Variants in CDKL5 observed in about 807,000 individuals in gnomAD.
CDKL5 encodes the protein cyclin-dependent kinase-like 5.
Under a neutral mutation model 61.7 loss-of-function variants are expected in CDKL5, and 8 were observed. That is an observed-to-expected ratio of 0.13 (90% CI 0.08 to 0.23). The LOEUF (loss-of-function observed/expected upper bound fraction) is 0.23, where lower values mean the gene tolerates loss of function less well. Ranked by LOEUF, CDKL5 falls within the 10% of genes least tolerant of loss-of-function variation. The probability of loss-of-function intolerance (pLI) is 1.00; values close to 1 mark genes in which losing one functional copy is unlikely to be tolerated. For missense variants in CDKL5, 440 were observed against 734.5 expected, an observed-to-expected ratio of 0.60 and a Z score of 4.63; for synonymous variants, 275 against 272.3, an observed-to-expected ratio of 1.01 and a Z score of -0.10.
chrX:18,499,362 T>G lies in CDKL5; in HGVS notation c.-162-7573T>G, dbSNP rs183910017. Reference sequence around the variant, plus strand: ...GTTCTGTCACAATGTTCAGTCTTTGTTTTTTTTTTTTTTTTTGAGATGGAG... The same window carrying G: ...GTTCTGTCACAATGTTCAGTCTTTGGTTTTTTTTTTTTTTTTGAGATGGAG... On this transcript the variant is annotated intron_variant, in intron 1 of 17. Coordinates refer to ENST00000623535, the MANE Select transcript of CDKL5 (RefSeq NM_001323289.2). 4.5e-3 allele frequency among the ~76,000 whole-genome samples: 430 copies of G among 96,356 alleles called. 2 individuals carry two copies. In the Middle Eastern group the frequency reaches 0.048, roughly 11 times the overall value. The allele number at this position is 96,356 out of a possible 115,157, so 83.7% of individuals were successfully genotyped here.
chrX:18,534,182 C>T (rs1351758154), intron 3 of CDKL5, among the ~76,000 whole-genome samples: 1 of 111,716 alleles, frequency 9.0e-6, no homozygotes, highest in Non-Finnish European at 1.9e-5. Flanking sequence ...CAGGCTGCTT[C>T]CTTCATCTGC....
chrX:18,585,804 G>A (rs1925624724), intron 8 of CDKL5, among the ~76,000 whole-genome samples: 1 of 111,772 alleles, frequency 8.9e-6, no homozygotes, highest in Non-Finnish European at 1.9e-5. Context: ...GATGACAAGT[G>A]CGCAAATTGT....
chrX:18,510,235 A>T lies in CDKL5; in HGVS notation c.65-585A>T, dbSNP rs562659681. ...CAGTGGCGCGATCTGGACTACTGCA[A>T]CCTCTGCCTCCTGGGTTCAAACGAT... is the stretch of plus-strand genomic sequence containing the variant. On this transcript the variant is annotated intron_variant, in intron 2 of 17. Coordinates refer to ENST00000623535, the MANE Select transcript of CDKL5 (RefSeq NM_001323289.2). Among the ~76,000 whole-genome samples the T allele has an allele frequency of 3.5e-3, 386 of 111,092 alleles. 2 individuals carry two copies. In the Middle Eastern group the frequency reaches 0.041, roughly 12 times the overall value.
At chrX:18,559,041 C>A (rs1424112963) in intron 3 of CDKL5, among the ~76,000 whole-genome samples, 1 of 112,303 alleles carries the variant, frequency 8.9e-6, no homozygotes, top group Non-Finnish European at 1.9e-5. Flanking sequence ...CCTGCCCAGG[C>A]AGTTTAGTCT....
At chrX:18,452,907 T>A (rs1306502038) in intron 1 of CDKL5, among the ~76,000 whole-genome samples, 2 of 96,222 alleles carry the variant, frequency 2.1e-5, no homozygotes, top group Non-Finnish European at 4.1e-5. Context: ...CTTGGCTCAC[T>A]GCAATCTCCA....
intron 10 of CDKL5, among the ~76,000 whole-genome samples, chrX:18,597,144 G>C (rs745822794): frequency 9.1e-6 from 1 of 109,843 alleles, no homozygotes; most frequent in East Asian, 2.9e-4. Flanking sequence ...TCAGAAACCA[G>C]TTCCGACTTC....
Position 18,631,087 on chromosome X carries a change from G to C in CDKL5, c.*2330G>C. On this transcript the variant is annotated 3_prime_UTR_variant, in exon 18 of 18. Coordinates refer to ENST00000623535, the MANE Select transcript of CDKL5 (RefSeq NM_001323289.2). ...GGCATTCGAGGCTCGTCACCTAGGG[G>C]CTGGTTTCCCATGTTGTCATCCTTG... 1.3e-6 allele frequency: 1 copy of C among 753,134 alleles called. No homozygotes were observed. Among genetic ancestry groups the C allele is most frequent in the East Asian group, 1.5e-4 (1 of 6,625 alleles). 62.1% of individuals were successfully genotyped at this position (753,134 alleles called of 1,213,427 possible).
intron 1 of CDKL5, among the ~76,000 whole-genome samples, chrX:18,492,980 C>T (rs1200823987): frequency 8.9e-6 from 1 of 111,755 alleles, no homozygotes; most frequent in African/African-American, 3.3e-5. Flanking sequence ...TTTCTCCAGC[C>T]TCACCTTGTA....
At chrX:18,616,362 A>C (rs1872111884) in intron 15 of CDKL5, among the ~76,000 whole-genome samples, 1 of 111,549 alleles carries the variant, frequency 9.0e-6, no homozygotes, top group African/African-American at 3.3e-5. Context: ...ACGGTGGCTC[A>C]CTCCTGTAAT....
intron 1 of CDKL5, among the ~76,000 whole-genome samples, chrX:18,461,884 A>G (rs768319254): frequency 9.0e-6 from 1 of 111,443 alleles, no homozygotes; most frequent in Non-Finnish European, 1.9e-5. Context: ...TGTCACTAGA[A>G]TTGGAAATAA....
Position 18,514,144 on chromosome X carries a change from T to C in CDKL5, c.99+3290T>C, listed in dbSNP as rs142548965. ...GTAATTGAGAGATCATGCTGATAAA[T>C]AGGTGTATTTTGCTTTTGTGCATAG... On this transcript the variant is annotated intron_variant, in intron 3 of 17. Transcript: ENST00000623535. 8.4e-3 allele frequency among the ~76,000 whole-genome samples: 930 copies of C among 111,254 alleles called. 9 individuals are homozygous for C. Among genetic ancestry groups the C allele is most frequent in the African/African-American group, 0.028 (869 of 30,667 alleles).
In CDKL5 at chrX:18,613,294, T is replaced by TTTTA; in HGVS notation, c.2276+20_2276+23dup. ...ATCCATGGTGAGCATTTTGGTTTGT[T>TTTTA]TTTACTCTTCCTTTTTTTAATTGTA... On this transcript the variant is annotated intron_variant, in intron 15 of 17. Transcript: ENST00000623535. The TTTTA allele has an allele frequency of 8.5e-7, 1 of 1,182,195 alleles. No individual in the cohort carries two copies. The highest frequency in any genetic ancestry group is 1.1e-6 in the Non-Finnish European group (1 of 875,849).
chrX:18,489,775 C>T (rs775933587), intron 1 of CDKL5, among the ~76,000 whole-genome samples: 9 of 109,989 alleles, frequency 8.2e-5, no homozygotes, highest in Non-Finnish European at 1.7e-4. Flanking sequence ...GGGGGCCAGG[C>T]GTGGTGGCCT....
chrX:18,554,942 T>A (rs895610871), intron 3 of CDKL5, among the ~76,000 whole-genome samples: 8 of 111,089 alleles, frequency 7.2e-5, no homozygotes, highest in Non-Finnish European at 3.8e-5. Context: ...ATTCTCAAAT[T>A]TTTTTTTATT....
At chrX:18,490,726 T>TA (rs1297448814) in intron 1 of CDKL5, among the ~76,000 whole-genome samples, 2 of 112,167 alleles carry the variant, frequency 1.8e-5, no homozygotes, top group Non-Finnish European at 3.8e-5. Context: ...TTTTATCAAT[T>TA]AATGGTCTTG....
chrX:18,435,240 C>T (rs893160528), intron 1 of CDKL5, among the ~76,000 whole-genome samples: 2 of 111,099 alleles, frequency 1.8e-5, no homozygotes, highest in African/African-American at 3.3e-5. Flanking sequence ...GTTTGTCAGC[C>T]GCTTATGGGA....
At chrX:18,506,678 A>G (rs997926621) in intron 1 of CDKL5, among the ~76,000 whole-genome samples, 2 of 111,802 alleles carry the variant, frequency 1.8e-5, no homozygotes, top group African/African-American at 6.5e-5. Flanking sequence ...TGTTTTTAAA[A>G]GTTAGCTGTG....
chrX:18,510,016 CAG>C (rs1922766850), intron 2 of CDKL5, among the ~76,000 whole-genome samples: 1 of 84,881 alleles, frequency 1.2e-5, no homozygotes, highest in Admixed American at 1.3e-4. Context: ...CAAAACAAAA[CAG>C]AAAAAAAAAA....
chrX:18,504,920 G>A (rs1042488093), intron 1 of CDKL5, among the ~76,000 whole-genome samples: 1 of 96,297 alleles, frequency 1.0e-5, no homozygotes, highest in Non-Finnish European at 2.0e-5. Flanking sequence ...GCGACAGAGC[G>A]AAACTCCGTC....
Sources: gnomAD v4.1 joint callset for allele counts (sites outside exome capture counted in the v4.1 genomes callset) on GRCh38, gnomAD v4.1.1 for gene constraint, MANE v1.5 for transcripts, NCBI Gene and HGNC (gene_info 2026-07-23, HGNC 2026-07-21) for gene names.